ERBB4: variants seen among roughly 807,000 people sequenced by gnomAD.
ERBB4 encodes the protein receptor tyrosine-protein kinase erbB-4.
ERBB4 carries 42 observed loss-of-function variants against 158.0 expected under a neutral mutation model. That is an observed-to-expected ratio of 0.27 (90% CI 0.21 to 0.34). The LOEUF is 0.34. ERBB4 is among the 10% of genes least tolerant of loss of function. The probability of loss-of-function intolerance (pLI) is 1.00; values close to 1 mark genes in which losing one functional copy is unlikely to be tolerated. For synonymous variants in ERBB4, 583 were observed against 558.7 expected, an observed-to-expected ratio of 1.04 and a Z score of -0.61; for missense variants, 1,333 against 1,624.1, an observed-to-expected ratio of 0.82 and a Z score of 3.08.
chr2:211,673,133 G>A (rs764464726), intron 14 of ERBB4, 31 bp downstream of exon 14: 13 of 1,454,682 alleles, frequency 8.9e-6, no homozygotes, highest in Non-Finnish European at 1.3e-5. Flanking sequence ...TACTAAATAA[G>A]CCAACACACC....
At chr2:211,469,807 T>C (rs1332879856) in intron 20 of ERBB4, among the ~76,000 whole-genome samples, 1 of 152,180 alleles carries the variant, frequency 6.6e-6, no homozygotes. Context: ...ATTGCATATC[T>C]ATTCCTTTCT....
At chr2:211,591,025 C>T (rs1209017238) in intron 19 of ERBB4, among the ~76,000 whole-genome samples, 1 of 152,172 alleles carries the variant, frequency 6.6e-6, no homozygotes, top group Non-Finnish European at 1.5e-5. Context: ...CTACACTTTC[C>T]CTGTAAGGAT....
chr2:212,405,092 T>G (rs1286687271), intron 1 of ERBB4, among the ~76,000 whole-genome samples: 1 of 151,942 alleles, frequency 6.6e-6, no homozygotes, highest in East Asian at 1.9e-4. Context: ...TTGCAAAGTA[T>G]GCATCTGACA....
chr2:211,427,796 A>G (rs16846140), intron 22 of ERBB4, among the ~76,000 whole-genome samples: 44,334 of 150,852 alleles, frequency 0.29, 7,160 homozygotes, highest in South Asian at 0.55. Context: ...AATTAACACC[A>G]TGAAATTCTA....
intron 3 of ERBB4, among the ~76,000 whole-genome samples, chr2:211,881,358 T>G (rs2078655793): frequency 6.6e-6 from 1 of 152,118 alleles, no homozygotes; most frequent in African/African-American, 2.4e-5. Context: ...AAATTATTTT[T>G]TTGCTAACAA....
At chr2:212,265,597 A>G (rs1207461038) in intron 1 of ERBB4, among the ~76,000 whole-genome samples, 1 of 151,984 alleles carries the variant, frequency 6.6e-6, no homozygotes, top group East Asian at 1.9e-4. Flanking sequence ...CCCAAAGATG[A>G]CACTGTCCTC....
chr2:212,501,726 A>G (rs1690902160), intron 1 of ERBB4, among the ~76,000 whole-genome samples: 1 of 152,178 alleles, frequency 6.6e-6, no homozygotes, highest in South Asian at 2.1e-4. Context: ...TCCATCTTGG[A>G]CTTTCTTCAC....
At chr2:212,255,022 C>A (rs2084674970) in intron 1 of ERBB4, among the ~76,000 whole-genome samples, 1 of 152,104 alleles carries the variant, frequency 6.6e-6, no homozygotes, top group Admixed American at 6.6e-5. Context: ...CTTAATCCAC[C>A]TTTATACACA....
At chr2:212,182,133 A>G (rs1055437070) in intron 1 of ERBB4, among the ~76,000 whole-genome samples, 2 of 151,946 alleles carry the variant, frequency 1.3e-5, no homozygotes, top group African/African-American at 4.8e-5. Context: ...ATTTCACTAC[A>G]TGCCAGGAAT....
intron 3 of ERBB4, among the ~76,000 whole-genome samples, chr2:211,887,314 A>T (rs1437300633): frequency 6.6e-6 from 1 of 152,102 alleles, no homozygotes; most frequent in Non-Finnish European, 1.5e-5. Flanking sequence ...AAAAACAAGT[A>T]GTGATTAGTT....
intron 1 of ERBB4, among the ~76,000 whole-genome samples, chr2:212,235,677 C>G (rs897172530): frequency 1.3e-5 from 2 of 152,084 alleles, no homozygotes; most frequent in East Asian, 1.9e-4. Context: ...CTTGAAGAGT[C>G]CTTCACATCC....
At chr2:212,410,092 A>T (rs2091453992) in intron 1 of ERBB4, among the ~76,000 whole-genome samples, 1 of 152,068 alleles carries the variant, frequency 6.6e-6, no homozygotes, top group South Asian at 2.1e-4. Flanking sequence ...AATCATCTGT[A>T]TTTTGAAGTA....
At chr2:212,519,481 T>G (rs145295052) in intron 1 of ERBB4, among the ~76,000 whole-genome samples, 1,735 of 150,566 alleles carry the variant, frequency 0.012, 15 homozygotes, top group Middle Eastern at 0.041. Flanking sequence ...AAAGGATAAA[T>G]AAAATGGCTG....
At chr2:212,409,231 C>A (rs1242405492) in intron 1 of ERBB4, among the ~76,000 whole-genome samples, 1 of 152,014 alleles carries the variant, frequency 6.6e-6, no homozygotes, top group East Asian at 1.9e-4. Context: ...AAAGACACAC[C>A]TTGCACACCC....
intron 19 of ERBB4, among the ~76,000 whole-genome samples, chr2:211,589,886 C>A: frequency 6.6e-6 from 1 of 152,094 alleles, no homozygotes; most frequent in East Asian, 1.9e-4. Context: ...CAATTTGTGA[C>A]CACAGTTATT....
intron 1 of ERBB4, among the ~76,000 whole-genome samples, chr2:212,297,113 C>T (rs1345849552): frequency 6.6e-6 from 1 of 151,956 alleles, no homozygotes; most frequent in African/African-American, 2.4e-5. Context: ...TTATTCACAT[C>T]TGAGTACAAA....
At chr2:212,404,296 C>T (rs1353245842) in intron 1 of ERBB4, among the ~76,000 whole-genome samples, 1 of 152,054 alleles carries the variant, frequency 6.6e-6, no homozygotes, top group Non-Finnish European at 1.5e-5. Flanking sequence ...ACTCAATAAA[C>T]TACTTATTTT....
At chr2:211,636,053 C>A (rs1050798624) in intron 16 of ERBB4, among the ~76,000 whole-genome samples, 4 of 151,630 alleles carry the variant, frequency 2.6e-5, no homozygotes, top group African/African-American at 9.7e-5. Context: ...AGATGTAGAC[C>A]TGCTTCACTT....
At chr2:211,926,448 G>C (rs116839780) in intron 3 of ERBB4, among the ~76,000 whole-genome samples, 1 of 152,078 alleles carries the variant, frequency 6.6e-6, no homozygotes, top group African/African-American at 2.4e-5. Flanking sequence ...AGGAGTGGTA[G>C]GTTGAATGGT....
Sources: gnomAD v4.1 joint callset for allele counts (sites outside exome capture counted in the v4.1 genomes callset) on GRCh38, gnomAD v4.1.1 for gene constraint, MANE v1.5 for transcripts, NCBI Gene and HGNC (gene_info 2026-07-23, HGNC 2026-07-21) for gene names.